Variants in EYA4 observed in about 807,000 individuals in gnomAD.
The protein encoded by EYA4 is EYA transcriptional coactivator and phosphatase 4, also known as protein phosphatase EYA4.
EYA4 carries 31 observed loss-of-function variants against 87.9 expected under a neutral mutation model. That is an observed-to-expected ratio of 0.35 (90% confidence interval 0.27 to 0.48). EYA4 has a LOEUF of 0.48. Among genes scored for constraint, EYA4 ranks in the 20% least tolerant of loss-of-function variants. EYA4 has a pLI of 0.99. For missense variants in EYA4, 678 were observed against 761.4 expected (o/e 0.89, Z 1.29); for synonymous variants, 263 against 270.6 (o/e 0.97, Z 0.28).
chr6:133,434,171 A>C (rs895095006), intron 3 of EYA4, among the ~76,000 whole-genome samples: 2 of 152,186 alleles, frequency 1.3e-5, no homozygotes, highest in African/African-American at 4.8e-5. Context: ...CTGAGAGAGA[A>C]AAAGCTCTTG....
chr6:133,528,134 G>A (rs1046334840), intron 19 of EYA4, among the ~76,000 whole-genome samples: 6 of 152,022 alleles, frequency 3.9e-5, no homozygotes, highest in African/African-American at 1.2e-4. Flanking sequence ...TCAATTCTAC[G>A]CCAGTGAAAT....
At chr6:133,268,161 T>C (rs1344717021) in intron 1 of EYA4, among the ~76,000 whole-genome samples, 1 of 152,214 alleles carries the variant, frequency 6.6e-6, no homozygotes, top group Non-Finnish European at 1.5e-5. Flanking sequence ...GTTCTCCTAC[T>C]CTTTCCTAAT....
intron 2 of EYA4, among the ~76,000 whole-genome samples, chr6:133,371,184 C>T (rs192514673): frequency 6.6e-6 from 1 of 152,204 alleles, no homozygotes; most frequent in African/African-American, 2.4e-5. Flanking sequence ...CTTGTGAGAA[C>T]AACACAATTC....
chr6:133,522,169 GTTT>G (rs11301951), intron 17 of EYA4, among the ~76,000 whole-genome samples: 1 of 131,132 alleles, frequency 7.6e-6, no homozygotes, highest in East Asian at 2.5e-4. Context: ...TGGTAGAGTA[GTTT>G]TTTTTTTTTT....
At chr6:133,286,269 C>A (rs1007985301) in intron 2 of EYA4, among the ~76,000 whole-genome samples, 5 of 152,086 alleles carry the variant, frequency 3.3e-5, no homozygotes, top group East Asian at 3.8e-4. Flanking sequence ...GCTAATTAAA[C>A]GCATGTGAAA....
At chr6:133,417,185 A>T (rs1789788923) in intron 3 of EYA4, among the ~76,000 whole-genome samples, 2 of 152,084 alleles carry the variant, frequency 1.3e-5, no homozygotes, top group South Asian at 4.1e-4. Context: ...TTGATGGGGT[A>T]ATTAAAGGCC....
At chr6:133,324,402 T>G (rs1453097802) in intron 2 of EYA4, among the ~76,000 whole-genome samples, 6 of 152,194 alleles carry the variant, frequency 3.9e-5, no homozygotes, top group East Asian at 1.9e-4. Context: ...TTGTTGGTTG[T>G]TTGTTTTCTG....
At chr6:133,464,241 G>A (rs1357580026) in intron 9 of EYA4, among the ~76,000 whole-genome samples, 2 of 152,050 alleles carry the variant, frequency 1.3e-5, no homozygotes, top group Non-Finnish European at 2.9e-5. Context: ...CTAGATTTGT[G>A]TACCATAAAC....
chr6:133,294,362 TTTG>T (rs1778783995), intron 2 of EYA4, among the ~76,000 whole-genome samples: 1 of 150,572 alleles, frequency 6.6e-6, no homozygotes, highest in Non-Finnish European at 1.5e-5. Context: ...TTGTTTTGTT[TTTG>T]TTTTTTTTGT....
intron 3 of EYA4, among the ~76,000 whole-genome samples, chr6:133,402,585 T>C (rs1460723077): frequency 1.3e-5 from 2 of 152,212 alleles, no homozygotes; most frequent in African/African-American, 4.8e-5. Context: ...TGAAAGAGTG[T>C]AGTCAACTTT....
chr6:133,255,523 A>C (rs781067282), intron 1 of EYA4, among the ~76,000 whole-genome samples: 19 of 152,226 alleles, frequency 1.2e-4, no homozygotes, highest in Non-Finnish European at 2.2e-4. Flanking sequence ...GGATATATTT[A>C]AAGTAAAAAG....
intron 3 of EYA4, among the ~76,000 whole-genome samples, chr6:133,399,990 T>C (rs1448132224): frequency 6.6e-6 from 1 of 152,232 alleles, no homozygotes; most frequent in Non-Finnish European, 1.5e-5. Flanking sequence ...AATTTCATAC[T>C]ATTTATAGGG....
intron 2 of EYA4, among the ~76,000 whole-genome samples, chr6:133,349,981 A>G (rs1274769487): frequency 6.6e-6 from 1 of 152,142 alleles, no homozygotes; most frequent in Non-Finnish European, 1.5e-5. Flanking sequence ...ATGTCGTCAG[A>G]AAAGTTTGTA....
At chr6:133,309,155 C>A (rs571110129) in intron 2 of EYA4, among the ~76,000 whole-genome samples, 1 of 151,772 alleles carries the variant, frequency 6.6e-6, no homozygotes, top group Admixed American at 6.5e-5. Context: ...TGCTATTGTC[C>A]AATATGATAC....
rs909182576 is a variant in EYA4 at position 133,418,369 on chromosome 6, G to T, written c.84-28261G>T. 8.9e-4 allele frequency among the ~76,000 whole-genome samples: 135 copies of T among 152,272 alleles called. 1 individual carries two copies. Among genetic ancestry groups the T allele is most frequent in the Admixed American group, 3.5e-3 (53 of 15,288 alleles). Reference sequence around the variant, plus strand: ...GGCTTTGTTAGGCATAGGCTAGACTGTTAGACATCTTACAAATCTCCTCTC... The same window carrying T: ...GGCTTTGTTAGGCATAGGCTAGACTTTTAGACATCTTACAAATCTCCTCTC... On this transcript the variant is annotated intron_variant, in intron 3 of 19. Transcript: ENST00000355286.
intron 1 of EYA4, among the ~76,000 whole-genome samples, 192 bp downstream of exon 1, chr6:133,241,941 C>G (rs1773977998): frequency 6.6e-6 from 1 of 152,140 alleles, no homozygotes; most frequent in African/African-American, 2.4e-5. Context: ...GGGTGCCCCA[C>G]GCCTGAGGGC....
At chr6:133,295,826 T>C (rs539906672) in intron 2 of EYA4, among the ~76,000 whole-genome samples, 1 of 152,290 alleles carries the variant, frequency 6.6e-6, no homozygotes, top group South Asian at 2.1e-4. Flanking sequence ...GCCCTTCCCA[T>C]TGCCAGGAAC....
chr6:133,441,889 T>C (rs935321291), intron 3 of EYA4, among the ~76,000 whole-genome samples: 4 of 152,062 alleles, frequency 2.6e-5, no homozygotes. Context: ...TACTGACATA[T>C]TGATTCTTTG....
At position 133,269,938 on chromosome 6, in the gene EYA4, T is replaced by C. The variant is rs149493926; in HGVS notation, c.-65-4778T>C. Among the ~76,000 whole-genome samples, 707 of 152,288 alleles carry C rather than the reference T, an allele frequency of 4.6e-3. 1 individual carries two copies. The highest frequency in any genetic ancestry group is 0.017 in the African/African-American group (686 of 41,556). On this transcript the variant is annotated intron_variant, in intron 1 of 19. Transcript: ENST00000355286. ...AGTGCGAGTCCCAAAACTGAAGCAC[T>C]TGGAGCCTGATGTTCAAGGACAGGA... is the stretch of plus-strand genomic sequence containing the variant.
Sources: gnomAD v4.1 joint callset for allele counts (sites outside exome capture counted in the v4.1 genomes callset) on GRCh38, gnomAD v4.1.1 for gene constraint, MANE v1.5 for transcripts, NCBI Gene and HGNC (gene_info 2026-07-23, HGNC 2026-07-21) for gene names.